NGEF: variants seen among roughly 807,000 people sequenced by gnomAD.
NGEF encodes neuronal guanine nucleotide exchange factor.
NGEF carries 31 observed loss-of-function variants against 80.9 expected under a neutral mutation model. That is an observed-to-expected ratio of 0.38 (90% confidence interval 0.29 to 0.52). The LOEUF is 0.52. Among genes scored for constraint, NGEF ranks in the 20% least tolerant of loss-of-function variants. The pLI, the probability that NGEF is intolerant of heterozygous loss-of-function variation, is 0.84. For missense variants in NGEF, 709 were observed against 926.2 expected, an observed-to-expected ratio of 0.77 and a Z score of 3.04; for synonymous variants, 371 against 370.2, an observed-to-expected ratio of 1.00 and a Z score of -0.03.
At chr2:232,917,806 C>T (rs1021179851) in intron 5 of NGEF, among the ~76,000 whole-genome samples, 1 of 152,242 alleles carries the variant, frequency 6.6e-6, no homozygotes, top group Admixed American at 6.5e-5. Flanking sequence ...CAGAGTCTTG[C>T]TCTGTCACCC....
chr2:232,974,716 T>G lies in NGEF; in HGVS notation c.175A>C (p.Ile59Leu). ...CGATTGAAGATGGAATTTCTCTTAA[T>G]TGGGATGTGGCAATGAGGCTCTTTG... ...QDKEPHCHIP[I>L]KRNSIFNRSI... The change falls in exon 2 of 15, where the codon ATT becomes CTT. Residue 59 changes from isoleucine (I) to leucine (L), a missense_variant. Physicochemically the swap from Ile to Leu is conservative, Grantham distance 5 (BLOSUM62 2). This residue lies in a region of NGEF where 283 missense variants were observed against 303.4 expected (regional missense o/e 0.93). Transcript: ENST00000264051. 1 of 1,614,246 alleles carries G rather than the reference T, an allele frequency of 6.2e-7. No individual in the cohort carries two copies. The highest frequency in any genetic ancestry group is 1.1e-5 in the South Asian group (1 of 91,090).
chr2:232,987,174 G>A (rs1040518074), intron 1 of NGEF, among the ~76,000 whole-genome samples: 14 of 152,056 alleles, frequency 9.2e-5, no homozygotes, highest in African/African-American at 1.9e-4. Flanking sequence ...GTGCCGCCAC[G>A]CCTGGCTAAT....
intron 2 of NGEF, among the ~76,000 whole-genome samples, chr2:232,971,410 C>T (rs867282623): frequency 6.6e-6 from 1 of 152,150 alleles, no homozygotes; most frequent in Non-Finnish European, 1.5e-5. Context: ...TAAGGCTAGG[C>T]GCGGTGGCTC....
chr2:233,012,802 A>G (rs1240565859), intron 1 of NGEF: 1 of 469,798 alleles, frequency 2.1e-6, no homozygotes, highest in Non-Finnish European at 4.4e-6. Flanking sequence ...CACTTACCCC[A>G]CAGCCATAAT....
chr2:232,894,900 A>T lies in NGEF; in HGVS notation c.845T>A (p.Val282Asp). 6.3e-7 allele frequency: 1 copy of T among 1,592,656 alleles called. No individual in the cohort carries two copies. ...CTTGTAGTAGGACGCCTCGGAAGTG[A>T]CCAGCTCGAACATGGCCTGTAGCAG... ...IKLQEAMFEL[V>D]TSEASYYKSL... Residue 282 changes from valine (V) to aspartate (D), a missense_variant, in exon 6 of 15, where the codon GTC (valine) becomes GAC (aspartate). By Grantham distance (152) the Val-to-Asp change is radical. Around this residue, in one of 2 missense-constraint regions of NGEF, gnomAD observed 426 missense variants for 622.9 expected, o/e 0.68. Coordinates refer to ENST00000264051, the MANE Select transcript of NGEF (RefSeq NM_019850.3).
chr2:232,879,443 C>G lies in NGEF; in HGVS notation c.*46G>C, dbSNP rs770173347. On this transcript the variant is annotated 3_prime_UTR_variant, in exon 15 of 15. Coordinates refer to ENST00000264051, the MANE Select transcript of NGEF (RefSeq NM_019850.3). ...GAGCCCCCCCCCCCCCACCTTCTGT[C>G]GGGGTCTCATGCAGGCCCTGCTCCC... 1.6e-5 allele frequency: 18 copies of G among 1,112,666 alleles called. No individual in the cohort carries two copies. Among genetic ancestry groups the G allele is most frequent in the Non-Finnish European group, 2.1e-5 (16 of 768,318 alleles). 68.9% of individuals were successfully genotyped at this position (1,112,666 alleles called of 1,614,324 possible). A position where few individuals can be genotyped will look rare whatever the true frequency, so the allele number is the denominator to read the frequency against.
intron 1 of NGEF, among the ~76,000 whole-genome samples, chr2:232,979,973 CAG>C (rs1325712675): frequency 2.6e-5 from 4 of 152,108 alleles, no homozygotes; most frequent in African/African-American, 9.7e-5. Flanking sequence ...CTGCCACTCT[CAG>C]AGCTGTGATA....
chr2:233,004,779 TCAATTTCCCTTC>T, intron 1 of NGEF, among the ~76,000 whole-genome samples: 1 of 151,308 alleles, frequency 6.6e-6, no homozygotes, highest in Non-Finnish European at 1.5e-5. Flanking sequence ...CGGCTTTGCC[TCAATTTCCCTTC>T]CTCATCCTGC....
chr2:232,944,385 T>C (rs759926599), intron 3 of NGEF, among the ~76,000 whole-genome samples: 30 of 152,206 alleles, frequency 2.0e-4, no homozygotes, highest in South Asian at 4.1e-4. Flanking sequence ...GGCATTATTT[T>C]TGAAAGTAAC....
At chr2:232,943,540 G>C (rs977775020) in intron 3 of NGEF, among the ~76,000 whole-genome samples, 11 of 130,054 alleles carry the variant, frequency 8.5e-5, no homozygotes, top group Non-Finnish European at 1.7e-4. Flanking sequence ...CTGTCGCCCA[G>C]GCTGGAGTGC....
rs1261962671 is a variant in NGEF, at chr2:233,013,211, G to A, written c.-218C>T. 2.1e-6 allele frequency: 1 copy of A among 471,038 alleles called. No homozygotes were observed. Among genetic ancestry groups the A allele is most frequent in the Non-Finnish European group, 4.4e-6 (1 of 227,068 alleles). The allele number at this position is 471,038 out of a possible 1,614,324, so 29.2% of individuals were successfully genotyped here. On this transcript the variant is annotated 5_prime_UTR_variant, in exon 1 of 15. Coordinates refer to ENST00000264051, the MANE Select transcript of NGEF (RefSeq NM_019850.3). ...TCCACTCTGTCCCAGAGAGCCCACA[G>A]CCAAAAACTTCGTCCTGTCCTGGAA...
intron 5 of NGEF, chr2:232,901,387 G>A (rs76010712): frequency 0.097 from 95,583 of 985,308 alleles, 5,042 homozygotes; most frequent in South Asian, 0.26. Context: ...ATGATCCAGG[G>A]TTCGCCGTGG....
intron 3 of NGEF, among the ~76,000 whole-genome samples, chr2:232,934,844 G>GA (rs1693297159): frequency 6.6e-6 from 1 of 151,318 alleles, no homozygotes; most frequent in South Asian, 2.1e-4. Flanking sequence ...CTCTAAAAAA[G>GA]AAAAAATGAC....
In NGEF at chr2:232,954,673, C is replaced by T. The variant is rs540391948; in HGVS notation, c.383+15541G>A. On this transcript the variant is annotated intron_variant, in intron 3 of 14. Transcript: ENST00000264051. ...CTGGGAGGCAGAGCTTGCAGTGAGC[C>T]GAGATCACGCCACTGCACTCCAGCC... 4.0e-5 allele frequency among the ~76,000 whole-genome samples: 6 copies of T among 150,342 alleles called. No homozygotes were observed. In the South Asian group the frequency reaches 6.3e-4, roughly 16 times the overall value.
chr2:232,977,391 C>G (rs1468824258), intron 1 of NGEF, among the ~76,000 whole-genome samples: 2 of 152,196 alleles, frequency 1.3e-5, no homozygotes, highest in Non-Finnish European at 2.9e-5. Flanking sequence ...AGTGTCCGAG[C>G]TCCCCAGAGA....
intron 5 of NGEF, among the ~76,000 whole-genome samples, chr2:232,895,942 C>CATCTCATGGGTCATTCTGT (rs1692044816): frequency 6.6e-6 from 1 of 152,170 alleles, no homozygotes; most frequent in Admixed American, 6.6e-5. Flanking sequence ...AGCAGTTCTG[C>CATCTCATGGGTCATTCTGT]ATCTCATGGG....
At chr2:232,965,946 T>G (rs1694050736) in intron 3 of NGEF, among the ~76,000 whole-genome samples, 1 of 152,136 alleles carries the variant, frequency 6.6e-6, no homozygotes, top group Admixed American at 6.5e-5. Context: ...ATTCCCCACT[T>G]CACCCTGCTC....
At chr2:232,928,310 G>A (rs1274238012) in intron 3 of NGEF, among the ~76,000 whole-genome samples, 1 of 149,366 alleles carries the variant, frequency 6.7e-6, no homozygotes, top group Middle Eastern at 3.2e-3. Context: ...TGCGGGCTGG[G>A]GCCTGCCGCG....
chr2:232,882,111 C>T, intron 13 of NGEF, 75 bp downstream of exon 13: 1 of 1,352,456 alleles, frequency 7.4e-7, no homozygotes, highest in Non-Finnish European at 1.0e-6. Context: ...CCAGGCAGGG[C>T]ACACCGTGCA....
Sources: gnomAD v4.1 joint callset for allele counts (sites outside exome capture counted in the v4.1 genomes callset) on GRCh38, gnomAD v4.1.1 for gene constraint, gnomAD v4.1.1 regional missense constraint, MANE v1.5 for transcripts, NCBI Gene and HGNC (gene_info 2026-07-23, HGNC 2026-07-21) for gene names.